Variants in TSPAN9 observed in about 807,000 individuals in gnomAD.
TSPAN9 encodes tetraspanin 9, also known as tetraspanin-9.
In TSPAN9, 16 loss-of-function variants were observed where a neutral mutation model predicts 31.0. The observed-to-expected ratio is 0.52, with a 90% CI of 0.35 to 0.78. TSPAN9 has a LOEUF of 0.78. Ranked by LOEUF, TSPAN9 falls within the 30% of genes least tolerant of loss-of-function variation. TSPAN9 has a pLI of 0.01. For synonymous variants in TSPAN9, 145 were observed against 121.6 expected (o/e 1.19, Z -1.27); for missense variants, 272 against 312.5 (o/e 0.87, Z 0.98).
chr12:3,226,527 G>C (rs1313787301), intron 3 of TSPAN9, among the ~76,000 whole-genome samples: 1 of 150,942 alleles, frequency 6.6e-6, no homozygotes, highest in Non-Finnish European at 1.5e-5. Flanking sequence ...CTAAGCCTCT[G>C]TAGGTGTGCT....
chr12:3,115,205 A>G (rs575398421), intron 2 of TSPAN9, among the ~76,000 whole-genome samples: 30 of 152,216 alleles, frequency 2.0e-4, no homozygotes, highest in African/African-American at 6.7e-4. Context: ...GACTTCTTCC[A>G]CTTAGCATAA....
intron 3 of TSPAN9, among the ~76,000 whole-genome samples, chr12:3,250,642 C>A (rs1413842469): frequency 6.6e-6 from 1 of 152,224 alleles, no homozygotes; most frequent in African/African-American, 2.4e-5. Context: ...CTCCCACTCC[C>A]AGGCCTGGCC....
intron 2 of TSPAN9, among the ~76,000 whole-genome samples, chr12:3,142,523 G>T (rs1429358779): frequency 1.3e-5 from 2 of 152,190 alleles, no homozygotes; most frequent in Admixed American, 6.5e-5. Context: ...ATTTGACAGG[G>T]ACAGCTGCCT....
chr12:3,177,957 G>A (rs1447632358), intron 2 of TSPAN9, among the ~76,000 whole-genome samples: 2 of 152,162 alleles, frequency 1.3e-5, no homozygotes, highest in Non-Finnish European at 2.9e-5. Flanking sequence ...TGTCTTGCCC[G>A]CCGATGGGTC....
At chr12:3,130,955 A>G (rs975427234) in intron 2 of TSPAN9, among the ~76,000 whole-genome samples, 8 of 152,028 alleles carry the variant, frequency 5.3e-5, no homozygotes, top group African/African-American at 7.2e-5. Flanking sequence ...TTGTAGCCGC[A>G]TCGGATTTCA....
rs1346818027 is a variant in TSPAN9, at chr12:3,280,676, G to A, written c.432+193G>A. 1.3e-5 allele frequency among the ~76,000 whole-genome samples: 2 copies of A among 152,350 alleles called. No individual in the cohort carries two copies. Among genetic ancestry groups the A allele is most frequent in the Non-Finnish European group, 2.9e-5 (2 of 68,034 alleles). On this transcript the variant is annotated intron_variant, in intron 6 of 8. Coordinates refer to ENST00000011898, the MANE Select transcript of TSPAN9 (RefSeq NM_006675.5). This position sits in a 1 kb window ranked among gnomAD's most constrained non-coding sequence, Gnocchi z 4.5. ...GATACAGCAAGGTACAGCCAGGGAGGGATGAGGATACAGGAGGGGCAGGCC... is the reference window on the plus strand; with the variant it reads ...GATACAGCAAGGTACAGCCAGGGAGAGATGAGGATACAGGAGGGGCAGGCC...
intron 3 of TSPAN9, chr12:3,206,402 G>A (rs2098375195): frequency 2.2e-6 from 1 of 455,494 alleles, no homozygotes; most frequent in African/African-American, 2.0e-5. Flanking sequence ...TTTGAACACA[G>A]GGCTGTCAAG....
intron 2 of TSPAN9, among the ~76,000 whole-genome samples, chr12:3,097,358 G>C (rs2098309639): frequency 1.3e-5 from 2 of 152,208 alleles, no homozygotes; most frequent in South Asian, 2.1e-4. Flanking sequence ...TGGCTATTTT[G>C]GGTTTGGTGG....
In TSPAN9 at chr12:3,126,498, C is replaced by T. The variant is rs12322092; in HGVS notation, c.-18+42779C>T. 1.2e-3 allele frequency among the ~76,000 whole-genome samples: 183 copies of T among 152,252 alleles called. 1 individual carries two copies. Among genetic ancestry groups the T allele is most frequent in the African/African-American group, 3.7e-3 (154 of 41,534 alleles). ...GTGATTTGGATATGTGTACCTTTAC[C>T]GCACCTTTTCTATGTGTACACTAAA... On this transcript the variant is annotated intron_variant, in intron 2 of 8. Transcript: ENST00000011898.
At chr12:3,141,885 G>T (rs2153967806) in intron 2 of TSPAN9, among the ~76,000 whole-genome samples, 1 of 152,296 alleles carries the variant, frequency 6.6e-6, no homozygotes, top group Non-Finnish European at 1.5e-5. Flanking sequence ...CCCAGTGGCA[G>T]CCACCTCAGA....
chr12:3,217,845 G>A (rs981360472), intron 3 of TSPAN9, among the ~76,000 whole-genome samples: 2 of 151,998 alleles, frequency 1.3e-5, no homozygotes, highest in Non-Finnish European at 1.5e-5. Flanking sequence ...CTTGCTTCTC[G>A]GTGTCACCAC....
chr12:3,126,792 A>T (rs1476563478), intron 2 of TSPAN9, among the ~76,000 whole-genome samples: 1 of 151,982 alleles, frequency 6.6e-6, no homozygotes, highest in Non-Finnish European at 1.5e-5. Flanking sequence ...AAGTGGGAGG[A>T]TTGCTTGAGT....
intron 2 of TSPAN9, among the ~76,000 whole-genome samples, chr12:3,197,062 A>C (rs1018703961): frequency 2.3e-4 from 35 of 152,232 alleles, no homozygotes; most frequent in African/African-American, 8.4e-4. Flanking sequence ...GACTCTCCTC[A>C]CATCCACCAA....
intron 2 of TSPAN9, among the ~76,000 whole-genome samples, chr12:3,088,331 T>C (rs1203813386): frequency 6.6e-6 from 1 of 152,182 alleles, no homozygotes; most frequent in Non-Finnish European, 1.5e-5. Flanking sequence ...CCATTTTGAG[T>C]GCTGTCTGCA....
At chr12:3,141,793 G>A (rs1433998791) in intron 2 of TSPAN9, among the ~76,000 whole-genome samples, 2 of 152,002 alleles carry the variant, frequency 1.3e-5, no homozygotes, top group East Asian at 1.9e-4. Flanking sequence ...CACCCACCAA[G>A]CCTGGCCCAG....
chr12:3,213,314 G>A (rs2098379720), intron 3 of TSPAN9, among the ~76,000 whole-genome samples: 1 of 152,204 alleles, frequency 6.6e-6, no homozygotes, highest in African/African-American at 2.4e-5. Flanking sequence ...GTGTTCTGAA[G>A]CCTCACTCTG....
Position 3,281,347 on chromosome 12 carries a change from C to T in TSPAN9, c.564+18C>T. ...GGAGAACGGTGAGGCTGGGGATGGACCGCTTGGGTCCAAGAGCCCGTGTGT... is the reference window on the plus strand; with the variant it reads ...GGAGAACGGTGAGGCTGGGGATGGATCGCTTGGGTCCAAGAGCCCGTGTGT... On this transcript the variant is annotated intron_variant, in intron 7 of 8. Transcript: ENST00000011898. The T allele has an allele frequency of 6.5e-7, 1 of 1,542,546 alleles. No individual in the cohort carries two copies. Among genetic ancestry groups the T allele is most frequent in the Non-Finnish European group, 8.8e-7 (1 of 1,142,108 alleles).
At chr12:3,208,101 G>C (rs1433369195) in intron 3 of TSPAN9, among the ~76,000 whole-genome samples, 1 of 152,212 alleles carries the variant, frequency 6.6e-6, no homozygotes, top group Non-Finnish European at 1.5e-5. Flanking sequence ...GACTTCGTGC[G>C]CAGGAGCTGT....
At chr12:3,122,981 G>T (rs7965820) in intron 2 of TSPAN9, among the ~76,000 whole-genome samples, 109,588 of 152,038 alleles carry the variant, frequency 0.72, 40,730 homozygotes, top group East Asian at 0.87. Context: ...ATGCTTCAGG[G>T]TTGGTCAGGG....
Sources: gnomAD v4.1 joint callset for allele counts (sites outside exome capture counted in the v4.1 genomes callset) on GRCh38, gnomAD v4.1.1 for gene constraint, Gnocchi (gnomAD v3.1) non-coding constraint, MANE v1.5 for transcripts, NCBI Gene and HGNC (gene_info 2026-07-23, HGNC 2026-07-21) for gene names.